FAM162A: variants seen among roughly 807,000 people sequenced by gnomAD.
FAM162A encodes the protein family with sequence similarity 162 member A, also known as protein FAM162A.
Under a neutral mutation model 21.8 loss-of-function variants are expected in FAM162A, and 23 were observed. The ratio of observed to expected loss-of-function variants is 1.05; its 90% CI spans 0.76 to 1.49. FAM162A has a LOEUF of 1.49. FAM162A is among the 40% of genes most tolerant of loss of function. FAM162A has a pLI of 0.00. For missense variants in FAM162A, 165 were observed against 186.4 expected (o/e 0.89, Z 0.67); for synonymous variants, 53 against 61.3 (o/e 0.86, Z 0.64).
At chr3:122,400,868 G>C (rs2075649930) in intron 1 of FAM162A, among the ~76,000 whole-genome samples, 1 of 151,962 alleles carries the variant, frequency 6.6e-6, no homozygotes, top group South Asian at 2.1e-4. Flanking sequence ...TTACTATATA[G>C]AGATGTTCAT....
At chr3:122,387,860 A>T (rs577873685) in intron 1 of FAM162A, among the ~76,000 whole-genome samples, 3 of 152,200 alleles carry the variant, frequency 2.0e-5, no homozygotes, top group Admixed American at 2.0e-4. Context: ...ATTGAAATGA[A>T]GGGGTGTGAG....
intron 3 of FAM162A, among the ~76,000 whole-genome samples, chr3:122,405,489 G>A (rs974864158): frequency 1.6e-4 from 25 of 152,210 alleles, no homozygotes; most frequent in Non-Finnish European, 2.5e-4. Flanking sequence ...TGGGAAATAA[G>A]AGAATACTGG....
At chr3:122,391,809 G>T (rs2075605400) in intron 1 of FAM162A, among the ~76,000 whole-genome samples, 1 of 152,156 alleles carries the variant, frequency 6.6e-6, no homozygotes, top group African/African-American at 2.4e-5. Context: ...GCTAGCCCTT[G>T]CTTCCCTTCA....
At chr3:122,402,534 T>C (rs781512583) in intron 1 of FAM162A, among the ~76,000 whole-genome samples, 6 of 152,220 alleles carry the variant, frequency 3.9e-5, no homozygotes, top group Non-Finnish European at 7.3e-5. Flanking sequence ...TGATAACATT[T>C]TTATGTTGTA....
rs559342825 is a variant in FAM162A, at chr3:122,388,577, G to A, written c.34+4278G>A. On this transcript the variant is annotated intron_variant, in intron 1 of 4. Transcript: ENST00000477892. ...AGGTGTGACATGGTGTAAATAATAG[G>A]AACTGGGAAAGAAGACATTAAAGAA... Among the ~76,000 whole-genome samples, 18 of 152,270 alleles carry A rather than the reference G, an allele frequency of 1.2e-4. No homozygotes were observed. In the East Asian group the frequency reaches 3.3e-3, roughly 28 times the overall value.
At chr3:122,385,572 G>A (rs2075571257) in intron 1 of FAM162A, among the ~76,000 whole-genome samples, 1 of 152,210 alleles carries the variant, frequency 6.6e-6, no homozygotes, top group Non-Finnish European at 1.5e-5. Context: ...AACTAATACT[G>A]AGTATATTGT....
chr3:122,399,049 C>T (rs1018102569), intron 1 of FAM162A, among the ~76,000 whole-genome samples: 6 of 152,114 alleles, frequency 3.9e-5, no homozygotes, highest in Non-Finnish European at 7.4e-5. Context: ...GCCTAGCACC[C>T]ATTAGTTATC....
intron 1 of FAM162A, among the ~76,000 whole-genome samples, chr3:122,386,197 C>A (rs1002661601): frequency 6.6e-6 from 1 of 152,114 alleles, no homozygotes; most frequent in Admixed American, 6.6e-5. Context: ...GTGCAAATGG[C>A]TTTTCAAGAA....
At chr3:122,395,679 A>G (rs1442563669) in intron 1 of FAM162A, among the ~76,000 whole-genome samples, 3 of 152,206 alleles carry the variant, frequency 2.0e-5, no homozygotes, top group Admixed American at 1.3e-4. Context: ...AGAGATTGAC[A>G]AGCTGATCCT....
In FAM162A at chr3:122,409,874, A is replaced by T; in HGVS notation, c.*43A>T. 1 of 1,530,042 alleles carries T rather than the reference A, an allele frequency of 6.5e-7. No homozygotes were observed. Among genetic ancestry groups the T allele is most frequent in the Non-Finnish European group, 9.1e-7 (1 of 1,103,684 alleles). 94.8% of individuals were successfully genotyped at this position (1,530,042 alleles called of 1,614,324 possible). A position where few individuals can be genotyped will look rare whatever the true frequency, so the allele number is the denominator to read the frequency against. ...GCTGGATTTTGAAAATCCAGGAATT[A>T]TGTTATAACGTGCCTGTATTAAAAA... On this transcript the variant is annotated 3_prime_UTR_variant, in exon 5 of 5. Coordinates refer to ENST00000477892, the MANE Select transcript of FAM162A (RefSeq NM_014367.4).
intron 1 of FAM162A, among the ~76,000 whole-genome samples, chr3:122,384,719 G>A (rs2075566136): frequency 6.6e-6 from 1 of 151,968 alleles, no homozygotes; most frequent in African/African-American, 2.4e-5. Context: ...TTCCTCTCTG[G>A]AGTTTATCCC....
Position 122,402,040 on chromosome 3 carries a change from T to C in FAM162A, c.35-720T>C, listed in dbSNP as rs140291107. The stretch of plus-strand genomic sequence containing the variant: ...GTTGCAGTTGCTTTTGGCATCTTCA[T>C]CATGAAATCTTTGCCCATTCCTATG... On this transcript the variant is annotated intron_variant, in intron 1 of 4. Transcript: ENST00000477892. 7.4e-3 allele frequency among the ~76,000 whole-genome samples: 1,120 copies of C among 152,190 alleles called. 5 individuals carry two copies. The highest frequency in any genetic ancestry group is 0.012 in the Non-Finnish European group (813 of 67,996).
At chr3:122,401,337 C>T in intron 1 of FAM162A, 1 of 978,050 alleles carries the variant, frequency 1.0e-6, no homozygotes, top group South Asian at 4.5e-5. Context: ...TTTATTTTGC[C>T]AACATGATTA....
chr3:122,407,705 C>T, intron 4 of FAM162A: 1 of 408,264 alleles, frequency 2.4e-6, no homozygotes. Flanking sequence ...TATTTAATCA[C>T]CCACTGCATA....
intron 4 of FAM162A, among the ~76,000 whole-genome samples, chr3:122,409,231 T>TA (rs1199473211): frequency 6.6e-6 from 1 of 152,138 alleles, no homozygotes; most frequent in African/African-American, 2.4e-5. Context: ...GTAGTACAGA[T>TA]ACTCGTGGAA....
rs759296835 is a variant in FAM162A at position 122,409,844 on chromosome 3, T to C, written c.*13T>C. On this transcript the variant is annotated 3_prime_UTR_variant, in exon 5 of 5. Transcript: ENST00000477892. ...CAAAACAGAGTAGCAGAGGTATCCG[T>C]GTTGGCTGGATTTTGAAAATCCAGG... 6.2e-7 allele frequency: 1 copy of C among 1,610,420 alleles called. No homozygotes were observed. Among genetic ancestry groups the C allele is most frequent in the Non-Finnish European group, 8.5e-7 (1 of 1,176,718 alleles).
At chr3:122,384,980 T>G (rs900073996) in intron 1 of FAM162A, among the ~76,000 whole-genome samples, 31 of 152,170 alleles carry the variant, frequency 2.0e-4, no homozygotes, top group Admixed American at 1.6e-3. Flanking sequence ...TCTTTTTTTT[T>G]GGGAGAACCA....
At position 122,402,802 on chromosome 3, in the gene FAM162A, TAAGGCTTACCA is replaced by T. The variant is rs1274569647; in HGVS notation, c.78_88del (p.Arg27LysfsTer3). 6.2e-7 allele frequency: 1 copy of T among 1,602,612 alleles called. No homozygotes were observed. Reference sequence around the variant, plus strand: ...TGTGAAAGAGATGTTTCCTCATCTCTAAGGCTTACCAGAAGCTCTGATTTGAAGAGAATAAA... The same window carrying T: ...TGTGAAAGAGATGTTTCCTCATCTCTGAAGCTCTGATTTGAAGAGAATAAA... On this transcript the variant is annotated frameshift_variant, in exon 2 of 5. Coordinates refer to ENST00000477892, the MANE Select transcript of FAM162A (RefSeq NM_014367.4). LOFTEE classifies it high-confidence loss of function.
In FAM162A at chr3:122,411,109, G is replaced by A. The variant is rs1227944390; in HGVS notation, c.*1278G>A. The stretch of plus-strand genomic sequence containing the variant: ...GGGGGTCTTGGAATATATCCCCAGA[G>A]GGTAAGGGGTGACTACTGTATACAG... On this transcript the variant is annotated 3_prime_UTR_variant, in exon 5 of 5. Transcript: ENST00000477892. 2.0e-5 allele frequency: 3 copies of A among 152,246 alleles called. No homozygotes were observed. The highest frequency in any genetic ancestry group is 4.4e-5 in the Non-Finnish European group (3 of 68,076). 9.4% of individuals were successfully genotyped at this position (152,246 alleles called of 1,614,324 possible). A position where few individuals can be genotyped will look rare whatever the true frequency, so the allele number is the denominator to read the frequency against.
Sources: allele counts gnomAD v4.1 joint callset (sites outside exome capture counted in the v4.1 genomes callset), GRCh38; gene constraint gnomAD v4.1.1; transcripts MANE v1.5; gene names NCBI Gene and HGNC (gene_info 2026-07-23, HGNC 2026-07-21).